The following CWC27 variants were observed in gnomAD, a reference collection of about 807,000 sequenced individuals.
CWC27 encodes CWC27 spliceosome associated cyclophilin.
In CWC27, 47 loss-of-function variants were observed where a neutral mutation model predicts 63.6. That is an observed-to-expected ratio of 0.74 (90% CI 0.58 to 0.94). The LOEUF is 0.94. Ranked by LOEUF, CWC27 falls within the 40% of genes least tolerant of loss-of-function variation. The pLI, the probability that CWC27 is intolerant of heterozygous loss-of-function variation, is 0.00. For missense variants in CWC27, 495 were observed against 554.3 expected, an observed-to-expected ratio of 0.89 and a Z score of 1.07; for synonymous variants, 175 against 179.8, an observed-to-expected ratio of 0.97 and a Z score of 0.22.
chr5:64,886,755 A>G (rs1294225836), intron 11 of CWC27, among the ~76,000 whole-genome samples: 1 of 152,156 alleles, frequency 6.6e-6, no homozygotes, highest in East Asian at 1.9e-4. Context: ...TCATTGAAGT[A>G]TATATTTGAA....
intron 11 of CWC27, among the ~76,000 whole-genome samples, chr5:64,894,878 T>C (rs540674748): frequency 4.6e-5 from 7 of 152,292 alleles, no homozygotes; most frequent in Non-Finnish European, 8.8e-5. Context: ...TTTCCCAAGG[T>C]AGCGAGGGTC....
At chr5:64,813,808 G>A (rs889181024) in intron 10 of CWC27, among the ~76,000 whole-genome samples, 2 of 152,142 alleles carry the variant, frequency 1.3e-5, no homozygotes, top group Admixed American at 1.3e-4. Flanking sequence ...AGTATAGTTT[G>A]GGAAGAGAAG....
At chr5:64,769,307 TCTTTACTC>T (rs758962725) in intron 1 of CWC27, 119 bp downstream of exon 1, 25 of 826,850 alleles carry the variant, frequency 3.0e-5, no homozygotes, top group Non-Finnish European at 4.8e-5. Flanking sequence ...AGAAGTGTTG[TCTTTACTC>T]CTGCATGTGG....
intron 13 of CWC27, among the ~76,000 whole-genome samples, chr5:64,993,737 A>G (rs974879959): frequency 3.3e-5 from 5 of 151,968 alleles, no homozygotes; most frequent in Non-Finnish European, 2.9e-5. Context: ...ATTTATTTCT[A>G]TTGGAAAGAA....
At chr5:64,978,357 AT>A (rs1749267546) in intron 13 of CWC27, among the ~76,000 whole-genome samples, 1 of 152,186 alleles carries the variant, frequency 6.6e-6, no homozygotes, top group Admixed American at 6.5e-5. Flanking sequence ...TATAGTTTTC[AT>A]ATGATGTGGG....
chr5:65,006,551 A>T (rs1268841135), intron 13 of CWC27, among the ~76,000 whole-genome samples: 2 of 152,150 alleles, frequency 1.3e-5, no homozygotes, highest in Non-Finnish European at 2.9e-5. Flanking sequence ...AACCTATTAA[A>T]GGAGTACATT....
chr5:64,908,739 G>T (rs1349127267), intron 11 of CWC27, among the ~76,000 whole-genome samples: 1 of 152,144 alleles, frequency 6.6e-6, no homozygotes, highest in African/African-American at 2.4e-5. Flanking sequence ...TTGCTTGGTA[G>T]ATCTTCCTCC....
At chr5:64,882,167 G>A (rs1006271257) in intron 10 of CWC27, among the ~76,000 whole-genome samples, 8 of 152,264 alleles carry the variant, frequency 5.3e-5, no homozygotes, top group African/African-American at 1.9e-4. Flanking sequence ...AAGAGGAGCT[G>A]TTATATGTGA....
chr5:64,989,239 T>G (rs1749491673), intron 13 of CWC27, among the ~76,000 whole-genome samples: 1 of 152,244 alleles, frequency 6.6e-6, no homozygotes, highest in Non-Finnish European at 1.5e-5. Flanking sequence ...CTTTGGAGAT[T>G]CTCACATATG....
At chr5:64,891,095 A>G (rs894210306) in intron 11 of CWC27, among the ~76,000 whole-genome samples, 6 of 152,228 alleles carry the variant, frequency 3.9e-5, no homozygotes, top group African/African-American at 1.2e-4. Flanking sequence ...CTGAATGTGT[A>G]TATCTTTAAA....
At chr5:65,004,186 AG>A (rs1468458288) in intron 13 of CWC27, among the ~76,000 whole-genome samples, 1 of 151,974 alleles carries the variant, frequency 6.6e-6, no homozygotes, top group Non-Finnish European at 1.5e-5. Context: ...TGTGGCTTTT[AG>A]GGTTGAATGT....
At chr5:64,890,625 T>C (rs930488825) in intron 11 of CWC27, among the ~76,000 whole-genome samples, 2 of 152,208 alleles carry the variant, frequency 1.3e-5, no homozygotes, top group Non-Finnish European at 2.9e-5. Context: ...GTGCTAATTT[T>C]TACTTTATTT....
intron 9 of CWC27, 92 bp downstream of exon 9, chr5:64,801,424 C>A: frequency 1.0e-6 from 1 of 1,002,856 alleles, no homozygotes; most frequent in Non-Finnish European, 1.3e-6. Flanking sequence ...TAAAAAGTAA[C>A]GTATATTACT....
intron 11 of CWC27, among the ~76,000 whole-genome samples, chr5:64,927,973 G>T (rs1561159695): frequency 1.3e-5 from 2 of 152,026 alleles, no homozygotes; most frequent in Admixed American, 6.6e-5. Flanking sequence ...TGGACAACAT[G>T]GTAAAACCCC....
At chr5:64,965,207 A>C (rs1748991151) in intron 11 of CWC27, among the ~76,000 whole-genome samples, 1 of 152,198 alleles carries the variant, frequency 6.6e-6, no homozygotes, top group Non-Finnish European at 1.5e-5. Context: ...ATGATAGGGA[A>C]CACCCTGTGA....
At position 64,781,988 on chromosome 5, in the gene CWC27, T is replaced by A. The variant is rs1743710958; in HGVS notation, c.207T>A (p.Thr69=). Reference sequence around the variant, plus strand: ...TCATAGTCCAAGGCGGAGATCCTACTGGCACAGGGAGTGGTGGAGAGTCTA... The same window carrying A: ...TCATAGTCCAAGGCGGAGATCCTACAGGCACAGGGAGTGGTGGAGAGTCTA... The part of the protein sequence containing the change: ...PGFIVQGGDP[T]GTGSGGESIY... The change falls in exon 3 of 14, where the codon ACT becomes ACA. Residue 69 remains threonine (T), a synonymous_variant. Coordinates refer to ENST00000381070, the MANE Select transcript of CWC27 (RefSeq NM_005869.4). 1 of 1,603,516 alleles carries A rather than the reference T, an allele frequency of 6.2e-7. No individual in the cohort carries two copies. The highest frequency in any genetic ancestry group is 1.7e-5 in the Admixed American group (1 of 59,814).
rs1247910445 is a variant in CWC27, at chr5:64,786,750, T to C, written c.599+123T>C. The C allele has an allele frequency of 1.2e-5, 7 of 592,224 alleles. No homozygotes were observed. In the East Asian group the frequency reaches 2.1e-4, roughly 18 times the overall value. 36.7% of individuals were successfully genotyped at this position (592,224 alleles called of 1,614,324 possible). A position where few individuals can be genotyped will look rare whatever the true frequency, so the allele number is the denominator to read the frequency against. Reference sequence around the variant, plus strand: ...GAGAGGCCAGTTTGAACCAGAGAGATATTGGAATTATGAGTGTGTGGTTGT... The same window carrying C: ...GAGAGGCCAGTTTGAACCAGAGAGACATTGGAATTATGAGTGTGTGGTTGT... On this transcript the variant is annotated intron_variant, in intron 6 of 13. Transcript: ENST00000381070.
At chr5:64,950,059 T>C (rs1748674761) in intron 11 of CWC27, among the ~76,000 whole-genome samples, 1 of 152,010 alleles carries the variant, frequency 6.6e-6, no homozygotes, top group Non-Finnish European at 1.5e-5. Context: ...AGTTTAGTAA[T>C]AACTTTATAT....
intron 13 of CWC27, among the ~76,000 whole-genome samples, chr5:64,980,793 T>A (rs181311212): frequency 6.6e-6 from 1 of 152,320 alleles, no homozygotes; most frequent in Admixed American, 6.5e-5. Context: ...ATTATATAAC[T>A]AAAAGATGTT....
Sources: allele counts gnomAD v4.1 joint callset (sites outside exome capture counted in the v4.1 genomes callset), GRCh38; gene constraint gnomAD v4.1.1; transcripts MANE v1.5; gene names NCBI Gene and HGNC (gene_info 2026-07-23, HGNC 2026-07-21).